AOPEP: variants seen among roughly 807,000 people sequenced by gnomAD.
The protein encoded by AOPEP is aminopeptidase O.
Under a neutral mutation model 98.1 loss-of-function variants are expected in AOPEP, and 77 were observed. That is an observed-to-expected ratio of 0.78 (90% CI 0.65 to 0.95). AOPEP has a LOEUF of 0.95. Among genes scored for constraint, AOPEP ranks in the 40% least tolerant of loss-of-function variants. AOPEP has a pLI of 0.00. For missense variants in AOPEP, 1,024 were observed against 1,024.7 expected (o/e 1.00, Z 0.01); for synonymous variants, 346 against 365.3 (o/e 0.95, Z 0.60).
intron 5 of AOPEP, chr9:94,921,242 CAG>C (rs1188100771): frequency 6.6e-6 from 1 of 152,214 alleles, no homozygotes; most frequent in Non-Finnish European, 1.5e-5. Flanking sequence ...TGAGGCTTGT[CAG>C]GGGGAAGACT....
chr9:95,106,851 G>T, the AOPEP span, among the ~76,000 whole-genome samples: 1 of 152,180 alleles, frequency 6.6e-6, no homozygotes, highest in Non-Finnish European at 1.5e-5. Context: ...GGCATCTCCT[G>T]TCTCTGAGCC....
At chr9:95,120,764 C>T in the AOPEP span, among the ~76,000 whole-genome samples, 4 of 152,080 alleles carry the variant, frequency 2.6e-5, no homozygotes, top group African/African-American at 9.7e-5. Context: ...GACGTTTCTG[C>T]CTTTTTATTA....
chr9:95,101,087 C>T, the AOPEP span: 6 of 236,000 alleles, frequency 2.5e-5, no homozygotes, highest in Non-Finnish European at 5.0e-5. Flanking sequence ...TAGCAGTTAG[C>T]ATCATTTAGC....
At chr9:95,000,066 A>G (rs1196224056) in intron 11 of AOPEP, among the ~76,000 whole-genome samples, 2 of 152,140 alleles carry the variant, frequency 1.3e-5, no homozygotes, top group Non-Finnish European at 2.9e-5. Context: ...TTTTTTGAAA[A>G]TTATGCTTTG....
intron 5 of AOPEP, among the ~76,000 whole-genome samples, chr9:94,877,689 A>G (rs2047121079): frequency 6.6e-6 from 1 of 152,152 alleles, no homozygotes; most frequent in African/African-American, 2.4e-5. Flanking sequence ...CTAAAGTGCT[A>G]GAATTACAGG....
intron 7 of AOPEP, among the ~76,000 whole-genome samples, chr9:94,949,670 A>G (rs2057957140): frequency 6.6e-6 from 1 of 152,190 alleles, no homozygotes; most frequent in Non-Finnish European, 1.5e-5. Context: ...ATACAATACA[A>G]ATTTATTAGT....
At chr9:94,947,120 G>A (rs1480062415) in intron 7 of AOPEP, among the ~76,000 whole-genome samples, 2 of 151,512 alleles carry the variant, frequency 1.3e-5, no homozygotes, top group African/African-American at 2.4e-5. Flanking sequence ...GGGACTACAG[G>A]CGCCTGCCAC....
chr9:94,812,460 C>T (rs1850819929), intron 5 of AOPEP, among the ~76,000 whole-genome samples: 1 of 152,170 alleles, frequency 6.6e-6, no homozygotes, highest in Non-Finnish European at 1.5e-5. Flanking sequence ...AAACCACTTT[C>T]TCTTTATACC....
chr9:95,069,027 G>A (rs1238968563), intron 14 of AOPEP, among the ~76,000 whole-genome samples: 1 of 141,820 alleles, frequency 7.1e-6, no homozygotes, highest in Non-Finnish European at 1.6e-5. Flanking sequence ...GCACCCTTTC[G>A]TGGCTTTTGT....
intron 5 of AOPEP, among the ~76,000 whole-genome samples, chr9:94,833,065 A>T (rs1471045496): frequency 6.6e-6 from 1 of 151,418 alleles, no homozygotes. Flanking sequence ...CCTCCTGAGC[A>T]GCTGGGATTA....
At chr9:94,858,700 G>T (rs1192602126) in intron 5 of AOPEP, among the ~76,000 whole-genome samples, 1 of 152,132 alleles carries the variant, frequency 6.6e-6, no homozygotes, top group Non-Finnish European at 1.5e-5. Flanking sequence ...TTTGGGAGGT[G>T]ATTAGGTCAT....
chr9:95,003,218 A>C (rs1468048116), intron 11 of AOPEP, among the ~76,000 whole-genome samples: 1 of 152,194 alleles, frequency 6.6e-6, no homozygotes, highest in African/African-American at 2.4e-5. Flanking sequence ...CAAAGGGAAA[A>C]AACTTTTCAA....
intron 14 of AOPEP, among the ~76,000 whole-genome samples, chr9:95,079,492 T>C (rs982304041): frequency 1.3e-5 from 2 of 152,232 alleles, no homozygotes; most frequent in African/African-American, 4.8e-5. Context: ...GAGTATAAAA[T>C]GGTTGACGTG....
In AOPEP at chr9:94,747,798, C is replaced by T. The variant is rs75162364; in HGVS notation, c.-135-11851C>T. Among the ~76,000 whole-genome samples the T allele has an allele frequency of 6.5e-4, 99 of 152,290 alleles. 1 individual carries two copies. In the East Asian group the frequency reaches 0.018, roughly 28 times the overall value. ...GCTGAAGGGCTGGAAAGTTTAACAC[C>T]TGCCCCAACATTTGAGGAAAAAACT... On this transcript the variant is annotated intron_variant, in intron 1 of 16. Coordinates refer to ENST00000375315, the MANE Select transcript of AOPEP (RefSeq NM_001193329.3).
chr9:94,837,081 A>C (rs1047340623), intron 5 of AOPEP, among the ~76,000 whole-genome samples: 7 of 152,186 alleles, frequency 4.6e-5, no homozygotes, highest in Non-Finnish European at 8.8e-5. Context: ...GAGATGTTAC[A>C]ACCAACACCA....
intron 11 of AOPEP, among the ~76,000 whole-genome samples, chr9:94,982,565 C>A (rs79562022): frequency 0.04 from 5,377 of 134,568 alleles, 263 homozygotes; most frequent in East Asian, 0.11. Flanking sequence ...AAGAGCAATA[C>A]TTTTTTTTTT....
chr9:94,771,186 G>A (rs1448329548), intron 2 of AOPEP, among the ~76,000 whole-genome samples: 1 of 152,192 alleles, frequency 6.6e-6, no homozygotes, highest in Non-Finnish European at 1.5e-5. Context: ...ATCTTGGTAA[G>A]CCAGTCTTTT....
At chr9:95,065,335 C>T (rs980168674) in intron 14 of AOPEP, 2 of 152,296 alleles carry the variant, frequency 1.3e-5, no homozygotes, top group African/African-American at 2.4e-5. Flanking sequence ...AGGGCAGCAC[C>T]CAGCTCTGCC....
intron 3 of AOPEP, among the ~76,000 whole-genome samples, chr9:94,778,442 TC>T (rs1402406113): frequency 5.7e-5 from 7 of 122,024 alleles, no homozygotes; most frequent in African/African-American, 1.7e-4. Flanking sequence ...TACTGATAAA[TC>T]AAAAAAAAAA....
Sources: allele counts gnomAD v4.1 joint callset (sites outside exome capture counted in the v4.1 genomes callset), GRCh38; gene constraint gnomAD v4.1.1; transcripts MANE v1.5; gene names NCBI Gene and HGNC (gene_info 2026-07-23, HGNC 2026-07-21).